Variants in MAP3K13 observed in about 807,000 individuals in gnomAD.
The protein encoded by MAP3K13 is leucine zipper-bearing kinase.
Under a neutral mutation model 104.0 loss-of-function variants are expected in MAP3K13, and 52 were observed. The observed-to-expected ratio is 0.50, with a 90% CI of 0.40 to 0.63. The LOEUF (loss-of-function observed/expected upper bound fraction) is 0.63. Among genes scored for constraint, MAP3K13 ranks in the 20% least tolerant of loss-of-function variants. MAP3K13 has a pLI of 0.00. For synonymous variants in MAP3K13, 394 were observed against 442.2 expected (o/e 0.89, Z 1.37); for missense variants, 914 against 1,218.5 (o/e 0.75, Z 3.72).
intron 1 of MAP3K13, among the ~76,000 whole-genome samples, chr3:185,284,586 C>T (rs1032225661): frequency 5.9e-5 from 9 of 151,934 alleles, no homozygotes; most frequent in South Asian, 2.1e-4. Context: ...GGGCGGGGCT[C>T]GAGCCTGTAA....
Position 185,418,562 on chromosome 3 carries a change from T to C in MAP3K13, c.-85-9935T>C, listed in dbSNP as rs879070985. ...CCTCGAACTCTGGGAATTCGAGCCA[T>C]AGCTCTGCCAGTACCCCAAGACTCA... On this transcript the variant is annotated intron_variant, in intron 1 of 13. Coordinates refer to ENST00000265026, the MANE Select transcript of MAP3K13 (RefSeq NM_004721.5). This position sits in a 1 kb window ranked among gnomAD's most constrained non-coding sequence, Gnocchi z 4.5. The C allele has an allele frequency of 5.6e-6, 9 of 1,612,132 alleles. No individual in the cohort carries two copies. Among genetic ancestry groups the C allele is most frequent in the South Asian group, 2.2e-5 (2 of 91,004 alleles).
chr3:185,431,409 G>C (rs1471624892), intron 2 of MAP3K13, among the ~76,000 whole-genome samples: 1 of 152,096 alleles, frequency 6.6e-6, no homozygotes, highest in Admixed American at 6.5e-5. Context: ...AAGCCATACT[G>C]CAATGACCAT....
intron 12 of MAP3K13, among the ~76,000 whole-genome samples, chr3:185,478,323 A>G (rs903067114): frequency 6.6e-6 from 1 of 152,154 alleles, no homozygotes; most frequent in African/African-American, 2.4e-5. Flanking sequence ...CTGTTCTTGA[A>G]GAGTAATGCT....
At chr3:185,347,245 A>T (rs1252810044) in intron 2 of MAP3K13, among the ~76,000 whole-genome samples, 1 of 152,100 alleles carries the variant, frequency 6.6e-6, no homozygotes, top group Admixed American at 6.6e-5. Context: ...TCAGCCTCCC[A>T]AAGTGCTGGG....
chr3:185,482,457 T>A lies in MAP3K13; in HGVS notation c.*1T>A. 6.2e-7 allele frequency: 1 copy of A among 1,606,816 alleles called. No individual in the cohort carries two copies. The highest frequency in any genetic ancestry group is 8.5e-7 in the Non-Finnish European group (1 of 1,173,482). ...ACACTACAGCTCTGCTACCTGGTAA[T>A]GAAGGAATACACATCCTGAAGATCT... On this transcript the variant is annotated 3_prime_UTR_variant, in exon 14 of 14. Coordinates refer to ENST00000265026, the MANE Select transcript of MAP3K13 (RefSeq NM_004721.5). The surrounding 1 kb of genome is among the most constrained non-coding windows in gnomAD (Gnocchi z 4.5).
chr3:185,453,908 G>T (rs184032481), intron 7 of MAP3K13, among the ~76,000 whole-genome samples: 6 of 59,258 alleles, frequency 1.0e-4, no homozygotes, highest in African/African-American at 3.1e-4. Context: ...ATATATATGA[G>T]ATATATATGT....
rs1228979307 is a variant in MAP3K13, at chr3:185,363,368, T to C, written c.-86T>C. 1 of 982,826 alleles carries C rather than the reference T, an allele frequency of 1.0e-6. No individual in the cohort carries two copies. The highest frequency in any genetic ancestry group is 1.7e-5 in the African/African-American group (1 of 57,162). 60.9% of individuals were successfully genotyped at this position (982,826 alleles called of 1,614,324 possible). On this transcript the variant is annotated splice_region_variant and 5_prime_UTR_variant, in exon 1 of 14. Transcript: ENST00000265026. ...AGCATGTGTAGGAATTCTTCGTTGT[T>C]GTGAGTATTGCACTCTGTTTTTCCT... is the stretch of plus-strand genomic sequence containing the variant.
intron 1 of MAP3K13, among the ~76,000 whole-genome samples, chr3:185,394,533 A>G (rs1712264838): frequency 6.6e-6 from 1 of 152,196 alleles, no homozygotes; most frequent in South Asian, 2.1e-4. Flanking sequence ...TTATGGCCTA[A>G]AGAGTTCAAG....
At chr3:185,366,857 C>A (rs1332938135) in intron 1 of MAP3K13, among the ~76,000 whole-genome samples, 4 of 152,158 alleles carry the variant, frequency 2.6e-5, no homozygotes. Flanking sequence ...GTATACTTTG[C>A]AAATATTTTC....
At chr3:185,404,864 G>T (rs1480833317) in intron 1 of MAP3K13, among the ~76,000 whole-genome samples, 1 of 152,216 alleles carries the variant, frequency 6.6e-6, no homozygotes, top group African/African-American at 2.4e-5. Context: ...TTACAGGCAT[G>T]AGCCACCGCG....
At chr3:185,362,114 A>G (rs1273493537), upstream of MAP3K13, among the ~76,000 whole-genome samples, 1 of 152,200 alleles carries the variant, frequency 6.6e-6, no homozygotes, top group Non-Finnish European at 1.5e-5. Flanking sequence ...TGGTCACTGG[A>G]CACCTCATAA....
chr3:185,441,818 G>A (rs887156774), intron 3 of MAP3K13, among the ~76,000 whole-genome samples: 1 of 152,086 alleles, frequency 6.6e-6, no homozygotes, highest in Non-Finnish European at 1.5e-5. Flanking sequence ...GAGGCAGGCA[G>A]ATCACCTGAG....
chr3:185,397,800 C>T (rs1011057004), intron 1 of MAP3K13, among the ~76,000 whole-genome samples: 3 of 152,008 alleles, frequency 2.0e-5, no homozygotes, highest in East Asian at 3.9e-4. Context: ...GTGGGGTGGA[C>T]CGGAGCCAGG....
intron 1 of MAP3K13, among the ~76,000 whole-genome samples, chr3:185,365,177 C>T (rs1251908580): frequency 1.3e-5 from 2 of 152,180 alleles, no homozygotes; most frequent in Non-Finnish European, 2.9e-5. Flanking sequence ...ATCCCCCTCT[C>T]TCCCCACTCC....
At chr3:185,335,331 A>C (rs944805361) in intron 2 of MAP3K13, among the ~76,000 whole-genome samples, 1 of 152,212 alleles carries the variant, frequency 6.6e-6, no homozygotes, top group Non-Finnish European at 1.5e-5. Context: ...TCTTTGATAC[A>C]AAATAATGTA....
rs199758254 is a variant in MAP3K13, at chr3:185,471,305, G to GCTTT, written c.1644-1669_1644-1666dup. On this transcript the variant is annotated intron_variant, in intron 10 of 13. Coordinates refer to ENST00000265026, the MANE Select transcript of MAP3K13 (RefSeq NM_004721.5). ...CAAAAAAACTGTTGCCATGACCTTT[G>GCTTT]CTTTTTTTTTTTTTTTTTTTTGTAG... Among the ~76,000 whole-genome samples, 37 of 92,920 alleles carry GCTTT rather than the reference G, an allele frequency of 4.0e-4. 1 individual carries two copies. The highest frequency in any genetic ancestry group is 5.1e-4 in the Non-Finnish European group (22 of 43,118). 61.0% of individuals were successfully genotyped at this position (92,920 alleles called of 152,430 possible). A position where few individuals can be genotyped will look rare whatever the true frequency, so the allele number is the denominator to read the frequency against.
rs1287051359 is a variant in MAP3K13, at chr3:185,466,129, CG to C, written c.1505+270del. ...AGGGGTCCCCATTTCAAGAAGAGCA[CG>C]GGGTGAAGACCGGGGAGCCGATTGC... On this transcript the variant is annotated intron_variant, in intron 9 of 13. Coordinates refer to ENST00000265026, the MANE Select transcript of MAP3K13 (RefSeq NM_004721.5). Among the ~76,000 whole-genome samples, 3 of 152,254 alleles carry C rather than the reference CG, an allele frequency of 2.0e-5. No individual in the cohort carries two copies. The East Asian group carries it at 5.8e-4, about 29-fold the overall frequency.
intron 1 of MAP3K13, among the ~76,000 whole-genome samples, chr3:185,387,501 C>CT (rs531011885): frequency 8.6e-5 from 13 of 151,958 alleles, no homozygotes; most frequent in Non-Finnish European, 1.9e-4. Context: ...CCAGGGAAAC[C>CT]TTTTTTTAAA....
At chr3:185,287,303 G>A (rs1049780338) in intron 2 of MAP3K13, among the ~76,000 whole-genome samples, 10 of 152,242 alleles carry the variant, frequency 6.6e-5, no homozygotes, top group Middle Eastern at 3.4e-3. Flanking sequence ...TTGCTATTTA[G>A]GGACTTTTTA....
Sources: gnomAD v4.1 joint callset for allele counts (sites outside exome capture counted in the v4.1 genomes callset) on GRCh38, gnomAD v4.1.1 for gene constraint, Gnocchi (gnomAD v3.1) non-coding constraint, MANE v1.5 for transcripts, NCBI Gene and HGNC (gene_info 2026-07-23, HGNC 2026-07-21) for gene names.